The following PRKN variants were observed in gnomAD, a reference collection of about 807,000 sequenced individuals.
The protein encoded by PRKN is E3 ubiquitin-protein ligase parkin.
A neutral mutation model predicts 59.5 loss-of-function variants in PRKN; 56 were observed. The observed-to-expected ratio is 0.94, with a 90% CI of 0.76 to 1.18. PRKN has a LOEUF of 1.18. PRKN is among the 50% of genes most tolerant of loss of function. The pLI is 0.00. For synonymous variants in PRKN, 250 were observed against 222.1 expected (o/e 1.13, Z -1.12); for missense variants, 657 against 596.4 (o/e 1.10, Z -1.06).
At chr6:161,664,408 T>C (rs1784653054) in intron 7 of PRKN, among the ~76,000 whole-genome samples, 2 of 152,228 alleles carry the variant, frequency 1.3e-5, no homozygotes, top group Non-Finnish European at 2.9e-5. Flanking sequence ...TCTGTTCAGC[T>C]TTCTAAATGG....
chr6:162,547,588 A>G (rs1404096189), intron 1 of PRKN, among the ~76,000 whole-genome samples: 1 of 152,080 alleles, frequency 6.6e-6, no homozygotes, highest in Non-Finnish European at 1.5e-5. Flanking sequence ...TTATTATTAT[A>G]TTATTTTTTG....
chr6:161,724,790 A>T (rs1787370754), intron 7 of PRKN, among the ~76,000 whole-genome samples: 1 of 152,230 alleles, frequency 6.6e-6, no homozygotes, highest in African/African-American at 2.4e-5. Flanking sequence ...CTAAAGTTTA[A>T]TTGTGGGTGA....
intron 1 of PRKN, among the ~76,000 whole-genome samples, chr6:162,591,824 C>G (rs1023619322): frequency 6.7e-6 from 1 of 150,282 alleles, no homozygotes; most frequent in Non-Finnish European, 1.5e-5. Context: ...AATAATAATC[C>G]TTTGTAATAA....
At chr6:162,027,028 A>T (rs1783461969) in intron 5 of PRKN, among the ~76,000 whole-genome samples, 1 of 152,162 alleles carries the variant, frequency 6.6e-6, no homozygotes, top group South Asian at 2.1e-4. Context: ...AAAAAGAGAG[A>T]TAAGCAATTT....
intron 2 of PRKN, among the ~76,000 whole-genome samples, chr6:162,354,044 G>C (rs1190289812): frequency 6.6e-6 from 1 of 152,064 alleles, no homozygotes; most frequent in Non-Finnish European, 1.5e-5. Flanking sequence ...AACCAAACTA[G>C]TTTCCTTTAT....
intron 2 of PRKN, among the ~76,000 whole-genome samples, chr6:162,277,723 C>T (rs903028886): frequency 3.3e-5 from 5 of 152,084 alleles, no homozygotes; most frequent in Non-Finnish European, 5.9e-5. Flanking sequence ...AGCAAATTAA[C>T]GCAAGATACC....
intron 9 of PRKN, among the ~76,000 whole-genome samples, chr6:161,482,287 C>A (rs557046719): frequency 6.7e-6 from 1 of 149,300 alleles, no homozygotes; most frequent in Non-Finnish European, 1.5e-5. Context: ...CATTTACTAA[C>A]CAGGTTCTCA....
intron 4 of PRKN, among the ~76,000 whole-genome samples, chr6:162,183,867 A>G (rs940406785): frequency 4.6e-5 from 7 of 152,180 alleles, no homozygotes; most frequent in African/African-American, 1.4e-4. Flanking sequence ...TTAGAAAAAT[A>G]CACTTACTAG....
intron 6 of PRKN, among the ~76,000 whole-genome samples, chr6:161,897,893 G>A (rs1216589439): frequency 1.4e-5 from 2 of 143,316 alleles, no homozygotes; most frequent in African/African-American, 2.6e-5. Context: ...CGTGAACCCG[G>A]GAGGCGGAGC....
At chr6:162,180,716 A>T (rs1783766348) in intron 4 of PRKN, among the ~76,000 whole-genome samples, 1 of 152,162 alleles carries the variant, frequency 6.6e-6, no homozygotes, top group African/African-American at 2.4e-5. Context: ...ATTTCATGGC[A>T]GGGGAACTGA....
chr6:162,467,344 G>A (rs765070096), intron 1 of PRKN, among the ~76,000 whole-genome samples: 1 of 152,046 alleles, frequency 6.6e-6, no homozygotes, highest in Non-Finnish European at 1.5e-5. Context: ...GATGAAGTAT[G>A]GGAGGTATTC....
At chr6:162,119,738 G>A (rs959134909) in intron 4 of PRKN, among the ~76,000 whole-genome samples, 4 of 152,130 alleles carry the variant, frequency 2.6e-5, no homozygotes, top group Admixed American at 2.6e-4. Context: ...GAAGGGAGAA[G>A]GGCTGCTTTC....
chr6:161,792,259 C>A (rs1790668261), intron 6 of PRKN, among the ~76,000 whole-genome samples: 1 of 152,158 alleles, frequency 6.6e-6, no homozygotes, highest in Non-Finnish European at 1.5e-5. Flanking sequence ...TGTTATTCAG[C>A]AATATCTAAC....
Position 161,523,191 on chromosome 6 carries a change from C to T in PRKN, c.1083+25663G>A, listed in dbSNP as rs1348287085. On this transcript the variant is annotated intron_variant, in intron 9 of 11. Transcript: ENST00000366898. ...ATCTATTATGCTAAGATAATTTATG[C>T]TAGGATAATATTTTTGATAGGAATT... Among the ~76,000 whole-genome samples the T allele has an allele frequency of 2.6e-5, 4 of 151,970 alleles. No homozygotes were observed. In the South Asian group the frequency reaches 6.2e-4, roughly 24 times the overall value.
chr6:162,114,634 A>C (rs865997201), intron 4 of PRKN, among the ~76,000 whole-genome samples: 4 of 151,742 alleles, frequency 2.6e-5, no homozygotes, highest in South Asian at 4.2e-4. Context: ...CAATGAACTC[A>C]AACAAATTTA....
At chr6:162,633,292 A>G (rs2128222998) in intron 1 of PRKN, among the ~76,000 whole-genome samples, 1 of 151,894 alleles carries the variant, frequency 6.6e-6, no homozygotes, top group East Asian at 1.9e-4. Context: ...AAAATTAGCC[A>G]GGCATGGTGG....
rs151139415 is a variant in PRKN, at chr6:161,559,833, T to C, written c.933+9522A>G. Among the ~76,000 whole-genome samples, 233 of 152,318 alleles carry C rather than the reference T, an allele frequency of 1.5e-3. 1 individual carries two copies. Among genetic ancestry groups the C allele is most frequent in the African/African-American group, 5.1e-3 (214 of 41,570 alleles). ...AGAACTTGGATGAACCAAAATATTTTTTAAAATCATGTGGATTGTATTAGA... is the reference window on the plus strand; with the variant it reads ...AGAACTTGGATGAACCAAAATATTTCTTAAAATCATGTGGATTGTATTAGA... On this transcript the variant is annotated intron_variant, in intron 8 of 11. Coordinates refer to ENST00000366898, the MANE Select transcript of PRKN (RefSeq NM_004562.3).
At chr6:162,478,674 G>C (rs748154291) in intron 1 of PRKN, among the ~76,000 whole-genome samples, 2 of 152,112 alleles carry the variant, frequency 1.3e-5, no homozygotes, top group African/African-American at 4.8e-5. Context: ...GGAACACCAC[G>C]GAAGGGACTT....
At chr6:161,857,578 G>A (rs888103367) in intron 6 of PRKN, among the ~76,000 whole-genome samples, 2 of 152,130 alleles carry the variant, frequency 1.3e-5, no homozygotes, top group Non-Finnish European at 2.9e-5. Flanking sequence ...GTATGTGTAT[G>A]GGTGTGCCCA....
Sources: allele counts gnomAD v4.1 joint callset (sites outside exome capture counted in the v4.1 genomes callset), GRCh38; gene constraint gnomAD v4.1.1; transcripts MANE v1.5; gene names NCBI Gene and HGNC (gene_info 2026-07-23, HGNC 2026-07-21).